Variants in ADCY2 observed in about 807,000 individuals in gnomAD.
ADCY2 encodes the protein adenylate cyclase 2, also known as adenylate cyclase type 2.
A neutral mutation model predicts 125.2 loss-of-function variants in ADCY2; 31 were observed. The observed-to-expected ratio is 0.25, with a 90% confidence interval of 0.19 to 0.33. The LOEUF (loss-of-function observed/expected upper bound fraction) is 0.33. Among genes scored for constraint, ADCY2 ranks in the 10% least tolerant of loss-of-function variants. ADCY2 has a pLI of 1.00. For synonymous variants in ADCY2, 512 were observed against 548.4 expected (o/e 0.93, Z 0.93); for missense variants, 904 against 1,418.2 (o/e 0.64, Z 5.82).
intron 3 of ADCY2, among the ~76,000 whole-genome samples, chr5:7,570,653 G>A (rs1736039397): frequency 6.7e-6 from 1 of 150,240 alleles, no homozygotes; most frequent in Non-Finnish European, 1.5e-5. Context: ...GTGTTTGGGA[G>A]TAAAAAACAG....
intron 18 of ADCY2, among the ~76,000 whole-genome samples, chr5:7,775,149 G>T (rs1743678758): frequency 6.6e-6 from 1 of 151,308 alleles, no homozygotes; most frequent in Admixed American, 6.6e-5. Context: ...TGGGATTACA[G>T]GTGCCTGCCA....
chr5:7,609,284 C>G (rs1004360391), intron 3 of ADCY2, among the ~76,000 whole-genome samples: 1 of 152,116 alleles, frequency 6.6e-6, no homozygotes, highest in African/African-American at 2.4e-5. Context: ...ATAGGAGAGG[C>G]GGAAAAGTAG....
At chr5:7,527,834 T>G (rs1042455572) in intron 3 of ADCY2, among the ~76,000 whole-genome samples, 1 of 152,208 alleles carries the variant, frequency 6.6e-6, no homozygotes, top group Non-Finnish European at 1.5e-5. Context: ...TATTGGAGTC[T>G]GGAATTAAAT....
At chr5:7,433,211 T>C (rs912314370) in intron 2 of ADCY2, among the ~76,000 whole-genome samples, 4 of 152,240 alleles carry the variant, frequency 2.6e-5, no homozygotes, top group African/African-American at 9.6e-5. Flanking sequence ...TTTGCCTTTA[T>C]TGTGAAGTAG....
Position 7,717,206 on chromosome 5 carries a change from A to T in ADCY2, c.1672A>T (p.Ile558Phe). 1 of 1,611,216 alleles carries T rather than the reference A, an allele frequency of 6.2e-7. No homozygotes were observed. Among genetic ancestry groups the T allele is most frequent in the East Asian group, 2.2e-5 (1 of 44,742 alleles). ...RFEEELNERMIQAIDGINAQK... is the reference protein window; with the variant it reads ...RFEEELNERMFQAIDGINAQK... ...TGAAGAAGAATTGAATGAAAGGATG[A>T]TTCAAGCAATTGATGGGATTAATGC... Residue 558 changes from isoleucine to phenylalanine, a missense_variant, in exon 12 of 25, where the codon ATT becomes TTT. Physicochemically the swap from Ile to Phe is conservative, Grantham distance 21 (BLOSUM62 0). Coordinates refer to ENST00000338316, the MANE Select transcript of ADCY2 (RefSeq NM_020546.3).
At position 7,627,256 on chromosome 5, in the gene ADCY2, T is replaced by C. The variant is rs184116015; in HGVS notation, c.720+940T>C. On this transcript the variant is annotated intron_variant, in intron 4 of 24. Transcript: ENST00000338316. ...GGTTGATTGTTGTGGGTGACACAAA[T>C]GCACATCAGGGAAATGTATAGACTG... 1.3e-4 allele frequency among the ~76,000 whole-genome samples: 20 copies of C among 152,198 alleles called. No homozygotes were observed. The East Asian group carries it at 3.9e-3, about 29-fold the overall frequency.
At chr5:7,559,531 C>G (rs1369093351) in intron 3 of ADCY2, among the ~76,000 whole-genome samples, 2 of 152,144 alleles carry the variant, frequency 1.3e-5, no homozygotes, top group East Asian at 1.9e-4. Flanking sequence ...ATTTTATATC[C>G]TGAGACTTTG....
At chr5:7,594,097 A>G (rs1390032047) in intron 3 of ADCY2, among the ~76,000 whole-genome samples, 3 of 152,158 alleles carry the variant, frequency 2.0e-5, no homozygotes, top group Non-Finnish European at 2.9e-5. Flanking sequence ...TTTGAGAAGA[A>G]TTATGAGTAA....
intron 17 of ADCY2, among the ~76,000 whole-genome samples, chr5:7,767,836 C>T (rs990250314): frequency 1.3e-5 from 2 of 152,046 alleles, no homozygotes; most frequent in East Asian, 1.9e-4. Flanking sequence ...CAAGACCATC[C>T]TGCCTAACAC....
chr5:7,610,498 C>T (rs1053773349), intron 3 of ADCY2, among the ~76,000 whole-genome samples: 3 of 151,792 alleles, frequency 2.0e-5, no homozygotes, highest in Non-Finnish European at 2.9e-5. Context: ...TCGGTGGTGC[C>T]TTGGGTTGCT....
chr5:7,763,523 G>A (rs912007868), intron 16 of ADCY2, among the ~76,000 whole-genome samples: 5 of 152,082 alleles, frequency 3.3e-5, no homozygotes, highest in African/African-American at 1.2e-4. Flanking sequence ...TATCTCCAGA[G>A]CGCTTTTCAT....
At chr5:7,456,962 A>G (rs1028213009) in intron 2 of ADCY2, among the ~76,000 whole-genome samples, 1 of 152,190 alleles carries the variant, frequency 6.6e-6, no homozygotes, top group African/African-American at 2.4e-5. Context: ...TGTGGGGCCA[A>G]CACCAATAAC....
intron 2 of ADCY2, among the ~76,000 whole-genome samples, chr5:7,451,537 A>G (rs954585283): frequency 7.9e-5 from 12 of 152,258 alleles, no homozygotes; most frequent in Admixed American, 1.3e-4. Flanking sequence ...TGAAGATGCC[A>G]TAAACATTGT....
intron 24 of ADCY2, among the ~76,000 whole-genome samples, chr5:7,821,504 G>T (rs1190875929): frequency 6.6e-6 from 1 of 152,310 alleles, no homozygotes; most frequent in East Asian, 1.9e-4. Context: ...GGTCAAGCCT[G>T]TTCTTCAATA....
chr5:7,435,746 C>G (rs1037086218), intron 2 of ADCY2, among the ~76,000 whole-genome samples: 6 of 152,206 alleles, frequency 3.9e-5, no homozygotes, highest in East Asian at 1.9e-4. Flanking sequence ...TAGGACCAAA[C>G]AGGGCTCAGC....
At chr5:7,718,689 G>A (rs146683046) in intron 12 of ADCY2, among the ~76,000 whole-genome samples, 59 of 152,170 alleles carry the variant, frequency 3.9e-4, no homozygotes, top group South Asian at 1.2e-3. Context: ...CCTTCTTCCC[G>A]TCACAGAGTG....
chr5:7,649,301 G>A (rs1052515329), intron 4 of ADCY2, among the ~76,000 whole-genome samples: 2 of 152,140 alleles, frequency 1.3e-5, no homozygotes, highest in African/African-American at 2.4e-5. Context: ...TCTGGACATT[G>A]CATTTATTTA....
chr5:7,622,954 G>T lies in ADCY2; in HGVS notation c.571-3213G>T, dbSNP rs182042999. 2.2e-4 allele frequency among the ~76,000 whole-genome samples: 34 copies of T among 152,332 alleles called. No homozygotes were observed. In the East Asian group the frequency reaches 5.8e-3, roughly 26 times the overall value. On this transcript the variant is annotated intron_variant, in intron 3 of 24. Coordinates refer to ENST00000338316, the MANE Select transcript of ADCY2 (RefSeq NM_020546.3). Reference sequence around the variant, plus strand: ...AAAGGAAAGAGCCGTGACACTCAGGGCCAACTGTTCTGTTACAACAAGGCC... The same window carrying T: ...AAAGGAAAGAGCCGTGACACTCAGGTCCAACTGTTCTGTTACAACAAGGCC...
intron 3 of ADCY2, among the ~76,000 whole-genome samples, chr5:7,545,806 T>C (rs1735130990): frequency 6.6e-6 from 1 of 152,116 alleles, no homozygotes; most frequent in African/African-American, 2.4e-5. Context: ...CAATTGCACT[T>C]CCCAGGTAAT....
Sources: gnomAD v4.1 joint callset for allele counts (sites outside exome capture counted in the v4.1 genomes callset) on GRCh38, gnomAD v4.1.1 for gene constraint, MANE v1.5 for transcripts, NCBI Gene and HGNC (gene_info 2026-07-23, HGNC 2026-07-21) for gene names.